Variants in KHDRBS1 observed in about 807,000 individuals in gnomAD.
The protein encoded by KHDRBS1 is KH domain-containing, RNA-binding, signal transduction-associated protein 1.
In KHDRBS1, 7 loss-of-function variants were observed where a neutral mutation model predicts 48.4. The observed-to-expected ratio is 0.14, with a 90% CI of 0.08 to 0.27. The LOEUF (loss-of-function observed/expected upper bound fraction) is 0.27, where lower values mean the gene tolerates loss of function less well. Among genes scored for constraint, KHDRBS1 ranks in the 10% least tolerant of loss-of-function variants. The probability of loss-of-function intolerance (pLI) is 1.00; values close to 1 mark genes in which losing one functional copy is unlikely to be tolerated. For synonymous variants in KHDRBS1, 241 were observed against 235.8 expected (o/e 1.02, Z -0.20); for missense variants, 458 against 601.2 (o/e 0.76, Z 2.49).
At chr1:32,038,060 A>G (rs1639218553) in intron 6 of KHDRBS1, 24 bp downstream of exon 6, 5 of 1,612,966 alleles carry the variant, frequency 3.1e-6, no homozygotes, top group Non-Finnish European at 3.4e-6. Context: ...ACAATGTGCC[A>G]TTTCCCAGTA....
Position 32,057,979 on chromosome 1 carries a change from G to A in KHDRBS1, n.1302-2184G>A, listed in dbSNP as rs142282466. Among the ~76,000 whole-genome samples the A allele has an allele frequency of 7.1e-3, 1,056 of 148,750 alleles. 10 individuals are homozygous for A. Among genetic ancestry groups the A allele is most frequent in the African/African-American group, 0.024 (953 of 40,358 alleles). Reference sequence around the variant, plus strand: ...CAAAAAAACAAAAAATTAGCTGAGTGTGGTGGCGGGCGCCTGTAATCCCAG... The same window carrying A: ...CAAAAAAACAAAAAATTAGCTGAGTATGGTGGCGGGCGCCTGTAATCCCAG... On this transcript the variant is annotated intron_variant and non_coding_transcript_variant, in intron 10 of 10. Transcript: ENST00000484270.
downstream of KHDRBS1, among the ~76,000 whole-genome samples, chr1:32,048,206 C>T (rs961847854): frequency 6.6e-6 from 1 of 152,108 alleles, no homozygotes; most frequent in Admixed American, 6.6e-5. Flanking sequence ...TGTGTCTTTC[C>T]CTTCTCTAAA....
intron 8 of KHDRBS1, among the ~76,000 whole-genome samples, 182 bp downstream of exon 8, chr1:32,039,755 A>G (rs1002658559): frequency 2.0e-5 from 3 of 152,182 alleles, no homozygotes; most frequent in Non-Finnish European, 4.4e-5. Context: ...CATGGTAGAA[A>G]GAGGGACTGC....
At chr1:32,028,462 G>GTATATA (rs948870598) in intron 1 of KHDRBS1, among the ~76,000 whole-genome samples, 1 of 143,890 alleles carries the variant, frequency 6.9e-6, no homozygotes, top group Admixed American at 7.0e-5. Flanking sequence ...ATTTTAGGGA[G>GTATATA]TATATATATA....
downstream of KHDRBS1, among the ~76,000 whole-genome samples, chr1:32,044,450 AGGAAGTGATGGAATTGGTT>A (rs1262674128): frequency 6.6e-6 from 1 of 152,204 alleles, no homozygotes; most frequent in Non-Finnish European, 1.5e-5. Context: ...AGACCAAGAG[AGGAAGTGATGGAATTGGTT>A]GGTCCCATTT....
intron 10 of KHDRBS1, among the ~76,000 whole-genome samples, chr1:32,050,007 T>C (rs557031714): frequency 6.6e-5 from 10 of 152,308 alleles, no homozygotes; most frequent in Admixed American, 3.9e-4. Context: ...GCAGAGAGCC[T>C]GTACCATTCC....
At chr1:32,025,820 C>T (rs1439056129) in intron 1 of KHDRBS1, among the ~76,000 whole-genome samples, 4 of 148,384 alleles carry the variant, frequency 2.7e-5, no homozygotes, top group African/African-American at 1.0e-4. Context: ...TCATAGTTCA[C>T]TGCAGCCTTG....
intron 10 of KHDRBS1, among the ~76,000 whole-genome samples, chr1:32,059,872 G>A (rs1297097946): frequency 1.3e-5 from 2 of 152,132 alleles, no homozygotes; most frequent in African/African-American, 4.8e-5. Flanking sequence ...CCCCCCAAAG[G>A]TTTTGTTGAT....
intron 1 of KHDRBS1, among the ~76,000 whole-genome samples, chr1:32,026,890 GT>G (rs1638982718): frequency 1.3e-5 from 2 of 152,138 alleles, no homozygotes; most frequent in Non-Finnish European, 1.5e-5. Flanking sequence ...TGCCTCCCGG[GT>G]TCCAGCGATT....
downstream of KHDRBS1, among the ~76,000 whole-genome samples, chr1:32,046,117 AT>A (rs1639353154): frequency 6.6e-6 from 1 of 151,814 alleles, no homozygotes; most frequent in Non-Finnish European, 1.5e-5. Context: ...CAAGCTCAAG[AT>A]TTCTGTTGCC....
chr1:32,037,283 C>G (rs1639201960), intron 5 of KHDRBS1, among the ~76,000 whole-genome samples: 1 of 152,042 alleles, frequency 6.6e-6, no homozygotes, highest in South Asian at 2.1e-4. Context: ...GAAACCCTGT[C>G]TCTACTAAAA....
At position 32,037,031 on chromosome 1, in the gene KHDRBS1, C is replaced by A; in HGVS notation, c.893C>A (p.Pro298Gln). Residue 298 changes from proline to glutamine, a missense_variant, in exon 5 of 9, where the codon CCA becomes CAA. This residue lies in a region of KHDRBS1 where 171 missense variants were observed against 228.7 expected (regional missense o/e 0.75). Coordinates refer to ENST00000327300, the MANE Select transcript of KHDRBS1 (RefSeq NM_006559.3). ...VRGRGAAPPP[P>Q]PVPRGRGVGP... ...GGCCGGGGAGCTGCACCTCCTCCAC[C>A]ACCTGTTCCCAGGTAAAAATAATGG... 3 of 1,613,372 alleles carry A rather than the reference C, an allele frequency of 1.9e-6. No individual in the cohort carries two copies. Among genetic ancestry groups the A allele is most frequent in the East Asian group, 2.2e-5 (1 of 44,860 alleles).
chr1:32,014,451 C>G (rs1000546325), intron 1 of KHDRBS1, 74 bp downstream of exon 1: 1 of 1,248,926 alleles, frequency 8.0e-7, no homozygotes, highest in East Asian at 3.2e-5. Flanking sequence ...TTGTTCCTCT[C>G]GCTTCCCGCC....
Position 32,014,154 on chromosome 1 carries a change from G to A in KHDRBS1, c.159G>A (p.Gly53=), listed in dbSNP as rs1638685194. Residue 53 remains glycine (G), a synonymous_variant, in exon 1 of 9, where the codon GGG becomes GGA. Transcript: ENST00000327300. ...RSRGGGGGSR[G]GARASPATQP... The stretch of plus-strand genomic sequence containing the variant: ...GGGGAGGCGGAGGGGGATCCCGCGG[G>A]GGCGCCCGGGCCTCGCCCGCCACGC... 7.7e-7 allele frequency: 1 copy of A among 1,303,104 alleles called. No individual in the cohort carries two copies. Among genetic ancestry groups the A allele is most frequent in the Non-Finnish European group, 9.7e-7 (1 of 1,026,640 alleles). The allele number at this position is 1,303,104 out of a possible 1,614,324, so 80.7% of individuals were successfully genotyped here. A position where few individuals can be genotyped will look rare whatever the true frequency, so the allele number is the denominator to read the frequency against.
At chr1:32,021,898 G>A (rs1638864459) in intron 1 of KHDRBS1, among the ~76,000 whole-genome samples, 1 of 151,726 alleles carries the variant, frequency 6.6e-6, no homozygotes, top group South Asian at 2.1e-4. Context: ...TTATCTGCCT[G>A]CCTCAGCCTC....
chr1:32,037,995 C>A lies in KHDRBS1; in HGVS notation c.1066C>A (p.Pro356Thr), dbSNP rs754164086. ...RARTAGIQRI[P>T]LPPPPAPETY... The stretch of plus-strand genomic sequence containing the variant: ...ACGGACAGCGGGCATCCAGAGGATA[C>A]CTTTGCCTCCACCTCCTGCACCAGA... The change falls in exon 6 of 9, where the codon CCT becomes ACT. Residue 356 changes from proline to threonine, a missense_variant. Pro to Thr is a conservative substitution (Grantham distance 38). This residue lies in a region of KHDRBS1 where 171 missense variants were observed against 228.7 expected (regional missense o/e 0.75). Coordinates refer to ENST00000327300, the MANE Select transcript of KHDRBS1 (RefSeq NM_006559.3). The A allele has an allele frequency of 6.2e-7, 1 of 1,614,182 alleles. No homozygotes were observed. Among genetic ancestry groups the A allele is most frequent in the Non-Finnish European group, 8.5e-7 (1 of 1,180,028 alleles).
At chr1:32,042,382 G>T in intron 8 of KHDRBS1, 145 bp from the exon 9 acceptor site, 1 of 607,876 alleles carries the variant, frequency 1.6e-6, no homozygotes, top group Non-Finnish European at 2.9e-6. Flanking sequence ...GCCAAGCCAA[G>T]TAGAGAGCAA....
chr1:32,036,074 C>G (rs1639170791), intron 4 of KHDRBS1, among the ~76,000 whole-genome samples: 2 of 149,730 alleles, frequency 1.3e-5, no homozygotes, highest in South Asian at 4.2e-4. Flanking sequence ...GCTCTGTGTT[C>G]TTAAGCTGGT....
intron 10 of KHDRBS1, chr1:32,054,603 G>A (rs1445150428): frequency 6.6e-6 from 1 of 152,162 alleles, no homozygotes; most frequent in Non-Finnish European, 1.5e-5. Context: ...CTCACCACTA[G>A]AAGTCCTCAA....
Sources: allele counts gnomAD v4.1 joint callset (sites outside exome capture counted in the v4.1 genomes callset), GRCh38; gene constraint gnomAD v4.1.1; regional missense constraint gnomAD v4.1.1; transcripts MANE v1.5; gene names NCBI Gene and HGNC (gene_info 2026-07-23, HGNC 2026-07-21).